ATG7: variants seen among roughly 807,000 people sequenced by gnomAD.
ATG7 encodes autophagy related 7.
In ATG7, 70 loss-of-function variants were observed where a neutral mutation model predicts 82.4. The ratio of observed to expected loss-of-function variants is 0.85; its 90% CI spans 0.70 to 1.04. The LOEUF is 1.04. ATG7 is among the 50% of genes least tolerant of loss of function. The pLI, the probability that ATG7 is intolerant of heterozygous loss-of-function variation, is 0.00. For synonymous variants in ATG7, 287 were observed against 313.0 expected (o/e 0.92, Z 0.88); for missense variants, 792 against 864.3 (o/e 0.92, Z 1.05).
chr3:11,453,826 G>A (rs1356139068), intron 20 of ATG7, among the ~76,000 whole-genome samples: 2 of 152,088 alleles, frequency 1.3e-5, no homozygotes, highest in African/African-American at 2.4e-5. Flanking sequence ...GGGTGGGGGG[G>A]ACATCTGGAG....
At chr3:11,414,878 A>T (rs116127205) in intron 19 of ATG7, among the ~76,000 whole-genome samples, 297 of 152,384 alleles carry the variant, frequency 1.9e-3, no homozygotes, top group African/African-American at 6.9e-3. Flanking sequence ...ATGTTGAACC[A>T]GGCTTGTGCA....
intron 5 of ATG7, among the ~76,000 whole-genome samples, chr3:11,299,872 G>A (rs1183819141): frequency 2.0e-5 from 3 of 151,840 alleles, no homozygotes; most frequent in Non-Finnish European, 4.4e-5. Context: ...TATCCTTGAA[G>A]AATTTTTTTA....
At chr3:11,320,686 A>G (rs887829763) in intron 9 of ATG7, among the ~76,000 whole-genome samples, 6 of 152,164 alleles carry the variant, frequency 3.9e-5, no homozygotes, top group Non-Finnish European at 7.4e-5. Context: ...TTGATTTCCC[A>G]CCATTGTGTC....
chr3:11,409,207 C>T (rs1161704596), intron 19 of ATG7, among the ~76,000 whole-genome samples: 1 of 152,182 alleles, frequency 6.6e-6, no homozygotes, highest in South Asian at 2.1e-4. Flanking sequence ...GTTTGACTTA[C>T]AATTTTTCAA....
At chr3:11,340,836 G>A (rs564605918) in intron 12 of ATG7, 101 bp downstream of exon 12, 1 of 1,042,946 alleles carries the variant, frequency 9.6e-7, no homozygotes, top group South Asian at 1.5e-5. Flanking sequence ...CAGCCCAGGG[G>A]GTGCCAGTCA....
intron 20 of ATG7, among the ~76,000 whole-genome samples, chr3:11,461,723 C>A (rs1194773228): frequency 2.6e-5 from 4 of 152,156 alleles, no homozygotes. Context: ...CCAATGTTCT[C>A]ATTTTAAAGA....
At chr3:11,503,158 G>A (rs752702127) in intron 20 of ATG7, among the ~76,000 whole-genome samples, 16 of 152,080 alleles carry the variant, frequency 1.1e-4, no homozygotes, top group Non-Finnish European at 2.2e-4. Flanking sequence ...AGCAGTTGTC[G>A]GGGGCTCTTT....
At chr3:11,566,256 G>A in the ATG7 span, among the ~76,000 whole-genome samples, 12 of 152,140 alleles carry the variant, frequency 7.9e-5, no homozygotes, top group South Asian at 6.2e-4. Context: ...TGTGATAGGC[G>A]TACCTTTCTA....
chr3:11,569,001 G>A, the ATG7 span: 1 of 1,023,394 alleles, frequency 9.8e-7, no homozygotes, highest in South Asian at 3.2e-5. Context: ...CCATCATCCA[G>A]GACAGAGCTT....
intron 20 of ATG7, among the ~76,000 whole-genome samples, chr3:11,540,313 C>T (rs1192674699): frequency 6.6e-6 from 1 of 152,160 alleles, no homozygotes; most frequent in Non-Finnish European, 1.5e-5. Context: ...TTTCCCGCAT[C>T]TCTGATGGGG....
intron 20 of ATG7, among the ~76,000 whole-genome samples, chr3:11,446,038 T>C (rs1162179279): frequency 6.6e-6 from 1 of 151,968 alleles, no homozygotes. Context: ...GTTATTCACT[T>C]GAAAAGTATG....
chr3:11,548,144 T>C (rs2071445227), intron 20 of ATG7, among the ~76,000 whole-genome samples: 1 of 152,206 alleles, frequency 6.6e-6, no homozygotes, highest in Non-Finnish European at 1.5e-5. Flanking sequence ...ACGCTTGGAC[T>C]TTTGCCACAT....
At chr3:11,351,862 T>A (rs146529710) in intron 14 of ATG7, among the ~76,000 whole-genome samples, 2,416 of 151,904 alleles carry the variant, frequency 0.016, 69 homozygotes, top group East Asian at 0.065. Flanking sequence ...TTTTTTTTTT[T>A]TTATTATACT....
chr3:11,440,729 G>C (rs1030147715), intron 20 of ATG7, among the ~76,000 whole-genome samples: 11 of 113,694 alleles, frequency 9.7e-5, no homozygotes, highest in Admixed American at 2.6e-4. Flanking sequence ...TGTCGCCCAG[G>C]CTGGAGTGCA....
At chr3:11,283,732 G>A (rs1559320806) in intron 3 of ATG7, among the ~76,000 whole-genome samples, 1 of 152,158 alleles carries the variant, frequency 6.6e-6, no homozygotes, top group African/African-American at 2.4e-5. Context: ...GGGGTCAGGA[G>A]TTTGAGACCA....
chr3:11,548,488 G>T (rs994920219), intron 20 of ATG7, among the ~76,000 whole-genome samples: 2 of 152,124 alleles, frequency 1.3e-5, no homozygotes, highest in African/African-American at 2.4e-5. Context: ...AAATTAAAAG[G>T]CATGCTCAGA....
chr3:11,422,521 A>G (rs934960132), intron 19 of ATG7, among the ~76,000 whole-genome samples: 1 of 152,122 alleles, frequency 6.6e-6, no homozygotes, highest in Non-Finnish European at 1.5e-5. Flanking sequence ...CTTTGCCTTA[A>G]GGGGATATTG....
chr3:11,340,311 C>A (rs1953325354), intron 11 of ATG7, among the ~76,000 whole-genome samples: 1 of 144,788 alleles, frequency 6.9e-6, no homozygotes, highest in Non-Finnish European at 1.5e-5. Flanking sequence ...AAAAGATTGT[C>A]TTTTTTTTTT....
In ATG7 at chr3:11,556,467, C is replaced by G. The variant is rs774018935; in HGVS notation, c.*1624C>G. 1 of 152,704 alleles carries G rather than the reference C, an allele frequency of 6.5e-6. No homozygotes were observed. The highest frequency in any genetic ancestry group is 1.5e-5 in the Non-Finnish European group (1 of 68,040). The allele number at this position is 152,704 out of a possible 1,614,324, so 9.5% of individuals were successfully genotyped here. On this transcript the variant is annotated 3_prime_UTR_variant, in exon 21 of 21. Transcript: ENST00000693202. ...GTCCCAGGAGTGTCCTCCACCGAGC[C>G]GGTCAGCTGTGGGTGGTTTTCCTGT...
Sources: gnomAD v4.1 joint callset for allele counts (sites outside exome capture counted in the v4.1 genomes callset) on GRCh38, gnomAD v4.1.1 for gene constraint, MANE v1.5 for transcripts, NCBI Gene and HGNC (gene_info 2026-07-23, HGNC 2026-07-21) for gene names.